The following GP6 variants were observed in gnomAD, a reference collection of about 807,000 sequenced individuals.
GP6 encodes the protein glycoprotein VI platelet.
Under a neutral mutation model 37.3 loss-of-function variants are expected in GP6, and 45 were observed. The observed-to-expected ratio is 1.21, with a 90% confidence interval of 0.95 to 1.55. The LOEUF is 1.55. Among genes scored for constraint, GP6 ranks in the 40% most tolerant of loss-of-function variants. The pLI, the probability that GP6 is intolerant of heterozygous loss-of-function variation, is 0.00. For synonymous variants in GP6, 340 were observed against 316.4 expected, an observed-to-expected ratio of 1.07 and a Z score of -0.79; for missense variants, 813 against 760.2, an observed-to-expected ratio of 1.07 and a Z score of -0.82.
intron 5 of GP6, among the ~76,000 whole-genome samples, chr19:55,021,228 G>A (rs2146752298): frequency 6.7e-6 from 1 of 149,166 alleles, no homozygotes; most frequent in Admixed American, 6.7e-5. Flanking sequence ...GCCAGGCATG[G>A]TGGCAGGCGC....
At position 55,026,474 on chromosome 19, in the gene GP6, G is replaced by A. The variant is rs148056529; in HGVS notation, c.610+1104C>T. 1.4e-4 allele frequency among the ~76,000 whole-genome samples: 22 copies of A among 152,152 alleles called. No homozygotes were observed. The East Asian group carries it at 3.9e-3, about 27-fold the overall frequency. The stretch of plus-strand genomic sequence containing the variant: ...ACTGACTTAGCATAATGTCCTCAAG[G>A]TATATCCATGTTGTAGTATGTGTCA... On this transcript the variant is annotated intron_variant, in intron 4 of 7. Coordinates refer to ENST00000310373, the MANE Select transcript of GP6 (RefSeq NM_001083899.2).
At position 55,014,321 on chromosome 19, in the gene GP6, A is replaced by C; in HGVS notation, c.1624T>G (p.Cys542Gly). 1 of 1,589,488 alleles carries C rather than the reference A, an allele frequency of 6.3e-7. No homozygotes were observed. The highest frequency in any genetic ancestry group is 8.6e-7 in the Non-Finnish European group (1 of 1,158,850). Residue 542 changes from cysteine to glycine, a missense_variant, in exon 8 of 8, where the codon TGC becomes GGC. Coordinates refer to ENST00000310373, the MANE Select transcript of GP6 (RefSeq NM_001083899.2). ...TAGAGATGAGGTTTCACCATGTTGCACAGGCTGATCTTGTTTTCTAATGTG... is the reference window on the plus strand; with the variant it reads ...TAGAGATGAGGTTTCACCATGTTGCCCAGGCTGATCTTGTTTTCTAATGTG...
At chr19:55,027,015 C>T (rs1243233828) in intron 4 of GP6, among the ~76,000 whole-genome samples, 1 of 133,924 alleles carries the variant, frequency 7.5e-6, no homozygotes, top group Non-Finnish European at 1.6e-5. Context: ...TCCTTCCCAC[C>T]TACGGCCCCG....
Position 55,018,680 on chromosome 19 carries a change from G to C in GP6, c.696C>G (p.Val232=), listed in dbSNP as rs2073965048. 1.2e-6 allele frequency: 2 copies of C among 1,609,058 alleles called. No individual in the cohort carries two copies. The highest frequency in any genetic ancestry group is 1.7e-6 in the Non-Finnish European group (2 of 1,175,302). The change falls in exon 6 of 8, where the codon GTC becomes GTG. Residue 232 remains valine, a synonymous_variant. Coordinates refer to ENST00000310373, the MANE Select transcript of GP6 (RefSeq NM_001083899.2). ...TTGTGAAGACTTCGTTTGTGAATGA[G>C]ACGGTCAGTTCAGCGGTGGCTTCTG... is the stretch of plus-strand genomic sequence containing the variant.
chr19:55,037,650 T>TTTTTTTTTA (rs2074885743), intron 1 of GP6, among the ~76,000 whole-genome samples: 1 of 125,024 alleles, frequency 8.0e-6, no homozygotes, highest in African/African-American at 3.1e-5. Context: ...TTTTTTTTTT[T>TTTTTTTTTA]GAGATGGAGG....
At chr19:55,036,910 C>A (rs1247636854) in intron 1 of GP6, among the ~76,000 whole-genome samples, 1 of 152,084 alleles carries the variant, frequency 6.6e-6, no homozygotes, top group African/African-American at 2.4e-5. Flanking sequence ...ATTCGGGAGG[C>A]TGAGGCAGGA....
chr19:55,024,320 A>ACATGCACG (rs1568613086), intron 5 of GP6, among the ~76,000 whole-genome samples: 19 of 142,218 alleles, frequency 1.3e-4, no homozygotes, highest in Admixed American at 2.1e-4. Context: ...ATGCACGCAC[A>ACATGCACG]CACACATATG....
intron 1 of GP6, among the ~76,000 whole-genome samples, chr19:55,033,438 C>T (rs2074687078): frequency 7.5e-6 from 1 of 132,494 alleles, no homozygotes; most frequent in African/African-American, 2.8e-5. Flanking sequence ...GCGGTGGGCT[C>T]GTTCGTGTTA....
At chr19:55,018,615 C>T (rs985173273) in intron 6 of GP6, 37 bp downstream of exon 6, 4 of 1,191,456 alleles carry the variant, frequency 3.4e-6, no homozygotes, top group Non-Finnish European at 5.0e-6. Flanking sequence ...CGTCCTCACA[C>T]TCCTTTCTGC....
At chr19:55,021,050 TAAAAAAAAA>T (rs60477411) in intron 5 of GP6, among the ~76,000 whole-genome samples, 1 of 107,714 alleles carries the variant, frequency 9.3e-6, no homozygotes, top group Non-Finnish European at 1.8e-5. Context: ...AGACTCTGTT[TAAAAAAAAA>T]AAAAAAAAAA....
At chr19:55,015,599 G>A (rs1475125310) in intron 7 of GP6, 84 bp downstream of exon 7, 3 of 838,980 alleles carry the variant, frequency 3.6e-6, no homozygotes, top group Admixed American at 3.7e-5. Context: ...TCTGAGAGCT[G>A]CAGCCCCTGC....
At chr19:55,036,485 G>T (rs2074834599) in intron 1 of GP6, among the ~76,000 whole-genome samples, 1 of 150,140 alleles carries the variant, frequency 6.7e-6, no homozygotes, top group South Asian at 2.1e-4. Context: ...GATCGCTTGA[G>T]CCCAGGAGTT....
At chr19:55,022,990 A>C (rs2074137250) in intron 5 of GP6, among the ~76,000 whole-genome samples, 1 of 152,210 alleles carries the variant, frequency 6.6e-6, no homozygotes, top group Admixed American at 6.6e-5. Context: ...GACATTCCTC[A>C]CACAATTAGA....
At chr19:55,033,147 T>C (rs80205641) in intron 1 of GP6, among the ~76,000 whole-genome samples, 41 of 28,282 alleles carry the variant, frequency 1.4e-3, no homozygotes, top group East Asian at 2.2e-3. Flanking sequence ...ACACGGTGGG[T>C]TCGTTCGTGT....
rs765453546 is a variant in GP6 at position 55,014,433 on chromosome 19, AAGG to A, written c.1509_1511del (p.Leu504del). The A allele has an allele frequency of 3.1e-6, 5 of 1,613,730 alleles. No individual in the cohort carries two copies. The highest frequency in any genetic ancestry group is 1.3e-5 in the African/African-American group (1 of 75,050). On this transcript the variant is annotated inframe_deletion, in exon 8 of 8. Transcript: ENST00000310373. The stretch of plus-strand genomic sequence containing the variant: ...CTGCAAGACCCGTTCTGAGAGACGA[AAGG>A]AGATTTGTTAGACCGCAGTGGGAGA...
At position 55,021,771 on chromosome 19, in the gene GP6, C is replaced by T. The variant is rs557447718; in HGVS notation, c.665-3060G>A. 1.1e-4 allele frequency among the ~76,000 whole-genome samples: 16 copies of T among 152,252 alleles called. No homozygotes were observed. In the South Asian group the frequency reaches 1.9e-3, roughly 18 times the overall value. Reference sequence around the variant, plus strand: ...TCCTGACCTTGTGATCTGCCTGCCTCGGCCTCCCAAAGTGCTGGGATTACC... The same window carrying T: ...TCCTGACCTTGTGATCTGCCTGCCTTGGCCTCCCAAAGTGCTGGGATTACC... On this transcript the variant is annotated intron_variant, in intron 5 of 7. Transcript: ENST00000310373.
At chr19:55,019,042 A>ACTG (rs2073977512) in intron 5 of GP6, among the ~76,000 whole-genome samples, 1 of 151,886 alleles carries the variant, frequency 6.6e-6, no homozygotes, top group Admixed American at 6.6e-5. Context: ...TGGTGGAATC[A>ACTG]CTGGGTCATA....
rs199561271 is a variant in GP6, at chr19:55,014,478, G to A, written c.1467C>T (p.Asn489=). 5.6e-6 allele frequency: 9 copies of A among 1,614,088 alleles called. No individual in the cohort carries two copies. In the East Asian group the frequency reaches 2.0e-4, roughly 36 times the overall value. ...AGTGGGAGATGGAGTGAGGGTGAGA[G>A]TTTCTGGGGAAAACCAGACAAGAGC... is the stretch of plus-strand genomic sequence containing the variant. The change falls in exon 8 of 8, where the codon AAC becomes AAT. Residue 489 remains asparagine (N), a synonymous_variant. Coordinates refer to ENST00000310373, the MANE Select transcript of GP6 (RefSeq NM_001083899.2).
At chr19:55,015,280 G>A (rs2073830820) in intron 7 of GP6, 115 bp from the exon 8 acceptor site, 14 of 1,502,392 alleles carry the variant, frequency 9.3e-6, no homozygotes, top group East Asian at 4.9e-5. Flanking sequence ...AGGGGATGCC[G>A]CTCACTTTCC....
Sources: allele counts gnomAD v4.1 joint callset (sites outside exome capture counted in the v4.1 genomes callset), GRCh38; gene constraint gnomAD v4.1.1; transcripts MANE v1.5; gene names NCBI Gene and HGNC (gene_info 2026-07-23, HGNC 2026-07-21).